NALF1: variants seen among roughly 807,000 people sequenced by gnomAD.
NALF1 encodes NALCN channel auxiliary factor 1.
NALF1 carries 3 observed loss-of-function variants against 48.4 expected under a neutral mutation model. The observed-to-expected ratio is 0.06, with a 90% CI of 0.03 to 0.16. The LOEUF is 0.16. Among genes scored for constraint, NALF1 ranks in the 10% least tolerant of loss-of-function variants. The pLI, the probability that NALF1 is intolerant of heterozygous loss-of-function variation, is 1.00. For missense variants in NALF1, 526 were observed against 571.5 expected (o/e 0.92, Z 0.81); for synonymous variants, 262 against 245.7 (o/e 1.07, Z -0.62).
intron 1 of NALF1, among the ~76,000 whole-genome samples, chr13:107,256,028 T>C (rs780021027): frequency 1.3e-5 from 2 of 152,192 alleles, no homozygotes; most frequent in Non-Finnish European, 2.9e-5. Context: ...ATATGCTTAC[T>C]CACAACAGGG....
At chr13:107,812,266 G>C (rs1879018429) in intron 1 of NALF1, among the ~76,000 whole-genome samples, 1 of 152,064 alleles carries the variant, frequency 6.6e-6, no homozygotes, top group Non-Finnish European at 1.5e-5. Context: ...TAACTACCAA[G>C]TAAATTTTGT....
chr13:107,192,598 C>G (rs1373590352), intron 2 of NALF1, among the ~76,000 whole-genome samples: 1 of 152,140 alleles, frequency 6.6e-6, no homozygotes, highest in East Asian at 1.9e-4. Context: ...TCCTTTGTTA[C>G]TACTCTAATT....
At chr13:107,189,743 T>C (rs1048481117) in intron 2 of NALF1, among the ~76,000 whole-genome samples, 3 of 152,232 alleles carry the variant, frequency 2.0e-5, no homozygotes, top group African/African-American at 4.8e-5. Flanking sequence ...CTAACCAGTA[T>C]GGCAAAATGC....
intron 1 of NALF1, among the ~76,000 whole-genome samples, chr13:107,302,962 G>A (rs1881866807): frequency 6.6e-6 from 1 of 152,190 alleles, no homozygotes; most frequent in African/African-American, 2.4e-5. Context: ...CTTTCAGGCT[G>A]TAGTTTGCCA....
At chr13:107,203,482 C>A (rs1879565531) in intron 2 of NALF1, among the ~76,000 whole-genome samples, 1 of 152,228 alleles carries the variant, frequency 6.6e-6, no homozygotes, top group South Asian at 2.1e-4. Flanking sequence ...GGGTGACTTT[C>A]CTTCCAGAGG....
chr13:107,707,447 G>T (rs933236170), intron 1 of NALF1, among the ~76,000 whole-genome samples: 1 of 152,062 alleles, frequency 6.6e-6, no homozygotes, highest in African/African-American at 2.4e-5. Context: ...CCTACCTCTA[G>T]CAGACCCCAA....
At chr13:107,669,633 C>T (rs1378415591) in intron 1 of NALF1, among the ~76,000 whole-genome samples, 4 of 152,154 alleles carry the variant, frequency 2.6e-5, no homozygotes, top group African/African-American at 9.7e-5. Context: ...AACACAACCA[C>T]ATTTTTCAGA....
At chr13:107,828,888 T>C (rs1278015319) in intron 1 of NALF1, among the ~76,000 whole-genome samples, 2 of 152,170 alleles carry the variant, frequency 1.3e-5, no homozygotes, top group African/African-American at 4.8e-5. Context: ...ACAGTACCAA[T>C]TTCACCATTT....
At chr13:107,245,972 A>G (rs72666510) in intron 1 of NALF1, among the ~76,000 whole-genome samples, 29,575 of 151,902 alleles carry the variant, frequency 0.19, 3,516 homozygotes, top group South Asian at 0.42. Flanking sequence ...AGATAAGAGT[A>G]CACTACCTTT....
At chr13:107,812,775 T>G (rs73587744) in intron 1 of NALF1, among the ~76,000 whole-genome samples, 8,325 of 152,162 alleles carry the variant, frequency 0.055, 787 homozygotes, top group African/African-American at 0.19. Flanking sequence ...GGGTTTTTGT[T>G]GTTGTTTTTC....
intron 1 of NALF1, among the ~76,000 whole-genome samples, chr13:107,813,155 G>C (rs1162833910): frequency 6.6e-6 from 1 of 152,108 alleles, no homozygotes; most frequent in Middle Eastern, 3.2e-3. Context: ...AATAGGCTTG[G>C]TAAAATTTTC....
At chr13:107,752,093 T>G (rs547129622) in intron 1 of NALF1, among the ~76,000 whole-genome samples, 1 of 152,054 alleles carries the variant, frequency 6.6e-6, no homozygotes, top group Non-Finnish European at 1.5e-5. Flanking sequence ...CAGAAAATAT[T>G]AAATAATTTA....
chr13:107,725,661 G>C (rs1876127414), intron 1 of NALF1, among the ~76,000 whole-genome samples: 1 of 149,996 alleles, frequency 6.7e-6, no homozygotes, highest in South Asian at 2.1e-4. Flanking sequence ...CTCTAGCTTA[G>C]GTGACAGAGC....
At position 107,163,839 on chromosome 13, in the gene NALF1, T is replaced by G. The variant is rs1203944848; in HGVS notation, c.*6658A>C. The G allele has an allele frequency of 6.6e-6, 1 of 152,066 alleles. No homozygotes were observed. Among genetic ancestry groups the G allele is most frequent in the Non-Finnish European group, 1.5e-5 (1 of 68,000 alleles). The allele number at this position is 152,066 out of a possible 1,614,324, so 9.4% of individuals were successfully genotyped here. On this transcript the variant is annotated 3_prime_UTR_variant, in exon 3 of 3. Transcript: ENST00000375915. ...AGTGCAAACATGAGAATGCTTATCA[T>G]GATATGAAAATAAATGCCATATGCA...
rs60869824 is a variant in NALF1 at position 107,828,606 on chromosome 13, T to TACAC, written c.915+37072_915+37075dup. 7.5e-3 allele frequency among the ~76,000 whole-genome samples: 784 copies of TACAC among 103,982 alleles called. 13 individuals are homozygous for TACAC. The highest frequency in any genetic ancestry group is 0.057 in the East Asian group (278 of 4,874). 68.2% of individuals were successfully genotyped at this position (103,982 alleles called of 152,430 possible). A position where few individuals can be genotyped will look rare whatever the true frequency, so the allele number is the denominator to read the frequency against. On this transcript the variant is annotated intron_variant, in intron 1 of 2. Transcript: ENST00000375915. Reference sequence around the variant, plus strand: ...ATCTATCTATCTATATCTATATCTATACACACACACACACACACACACACA... The same window carrying TACAC: ...ATCTATCTATCTATATCTATATCTATACACACACACACACACACACACACACACA...
intron 1 of NALF1, among the ~76,000 whole-genome samples, chr13:107,854,080 A>C (rs887255939): frequency 6.6e-6 from 1 of 152,244 alleles, no homozygotes; most frequent in Non-Finnish European, 1.5e-5. Context: ...ATTCACTCAG[A>C]GCTGAATTCT....
At chr13:107,602,462 C>T (rs1046928669) in intron 1 of NALF1, among the ~76,000 whole-genome samples, 6 of 152,102 alleles carry the variant, frequency 3.9e-5, no homozygotes, top group Non-Finnish European at 8.8e-5. Flanking sequence ...GATAGTTTTC[C>T]CATCTTTTAA....
At chr13:107,210,551 G>A in intron 2 of NALF1, 33 bp downstream of exon 2, 7 of 1,483,416 alleles carry the variant, frequency 4.7e-6, no homozygotes, top group Non-Finnish European at 6.6e-6. Flanking sequence ...AACCACCGGA[G>A]ACTGGTGTAC....
chr13:107,276,463 A>C (rs981305693), intron 1 of NALF1, among the ~76,000 whole-genome samples: 61 of 152,246 alleles, frequency 4.0e-4, no homozygotes, highest in African/African-American at 1.4e-3. Flanking sequence ...TCTAGCATAT[A>C]CTCAGCTATT....
Sources: gnomAD v4.1 joint callset for allele counts (sites outside exome capture counted in the v4.1 genomes callset) on GRCh38, gnomAD v4.1.1 for gene constraint, MANE v1.5 for transcripts, NCBI Gene and HGNC (gene_info 2026-07-23, HGNC 2026-07-21) for gene names.